FHIT: variants seen among roughly 807,000 people sequenced by gnomAD.
FHIT encodes the protein fragile histidine triad diadenosine triphosphatase, also known as bis(5'-adenosyl)-triphosphatase.
FHIT carries 19 observed loss-of-function variants against 17.9 expected under a neutral mutation model. The ratio of observed to expected loss-of-function variants is 1.06; its 90% confidence interval spans 0.74 to 1.56. FHIT has a LOEUF of 1.56. Ranked by LOEUF, FHIT falls within the 40% of genes most tolerant of loss-of-function variation. The probability of loss-of-function intolerance (pLI) is 0.00; values close to 1 mark genes in which losing one functional copy is unlikely to be tolerated. For synonymous variants in FHIT, 81 were observed against 69.7 expected, an observed-to-expected ratio of 1.16 and a Z score of -0.81; for missense variants, 248 against 189.2, an observed-to-expected ratio of 1.31 and a Z score of -1.82.
intron 1 of FHIT, among the ~76,000 whole-genome samples, chr3:61,222,931 G>T (rs1395399426): frequency 6.6e-6 from 1 of 152,156 alleles, no homozygotes; most frequent in East Asian, 1.9e-4. Context: ...TCTTAATTCT[G>T]TCCTGTTTTG....
rs114641266 is a variant in FHIT, at chr3:60,776,844, T to C, written c.-18+45075A>G. Among the ~76,000 whole-genome samples, 1,279 of 152,314 alleles carry C rather than the reference T, an allele frequency of 8.4e-3. 17 individuals carry two copies. Among genetic ancestry groups the C allele is most frequent in the East Asian group, 0.029 (150 of 5,188 alleles). ...CTTTTGCCTAGGGTTAAGGATTGTTTTGAGTTACATTAGGAAAAAGCTGAA... is the reference window on the plus strand; with the variant it reads ...CTTTTGCCTAGGGTTAAGGATTGTTCTGAGTTACATTAGGAAAAAGCTGAA... On this transcript the variant is annotated intron_variant, in intron 4 of 9. Transcript: ENST00000492590.
Position 60,226,712 on chromosome 3 carries a change from T to C in FHIT, c.104-212560A>G, listed in dbSNP as rs147363829. Among the ~76,000 whole-genome samples, 234 of 152,142 alleles carry C rather than the reference T, an allele frequency of 1.5e-3. 4 individuals carry two copies. Among genetic ancestry groups the C allele is most frequent in the African/African-American group, 5.2e-3 (217 of 41,504 alleles). On this transcript the variant is annotated intron_variant, in intron 5 of 9. Transcript: ENST00000492590. ...AAGGAGGGAGAATCAGGAAGGGGAC[T>C]TATGGGGTCACATGGATGTGTCTAG...
intron 5 of FHIT, among the ~76,000 whole-genome samples, chr3:60,480,056 T>C (rs191839505): frequency 1.2e-4 from 19 of 152,278 alleles, no homozygotes; most frequent in East Asian, 3.9e-4. Context: ...AGAGGCTTAA[T>C]TGACTCACAG....
intron 3 of FHIT, among the ~76,000 whole-genome samples, chr3:60,843,143 T>TC (rs1257586134): frequency 6.6e-6 from 1 of 151,988 alleles, no homozygotes; most frequent in African/African-American, 2.4e-5. Context: ...GTTTAAAAAC[T>TC]CCCCAGGCAA....
At chr3:60,375,869 G>A (rs1158981711) in intron 5 of FHIT, among the ~76,000 whole-genome samples, 1 of 152,126 alleles carries the variant, frequency 6.6e-6, no homozygotes, top group Non-Finnish European at 1.5e-5. Context: ...AAATGTTCCA[G>A]ATGTGTGTTG....
chr3:60,424,717 C>T (rs1353852342), intron 5 of FHIT, among the ~76,000 whole-genome samples: 1 of 152,036 alleles, frequency 6.6e-6, no homozygotes, highest in Admixed American at 6.6e-5. Context: ...TTGATGCTTA[C>T]CTCAGGTACA....
intron 8 of FHIT, among the ~76,000 whole-genome samples, chr3:59,825,829 T>G (rs1253510825): frequency 1.3e-5 from 2 of 152,200 alleles, no homozygotes; most frequent in Non-Finnish European, 2.9e-5. Context: ...GCCATCTGAA[T>G]TCACTGAGTG....
intron 4 of FHIT, among the ~76,000 whole-genome samples, chr3:60,731,404 G>C (rs1007320136): frequency 6.6e-6 from 1 of 152,162 alleles, no homozygotes; most frequent in African/African-American, 2.4e-5. Context: ...ACTTGGAGGA[G>C]GGCCAAGTGA....
chr3:61,072,850 T>C (rs547290087), intron 2 of FHIT, among the ~76,000 whole-genome samples: 168 of 152,284 alleles, frequency 1.1e-3, no homozygotes, highest in African/African-American at 3.7e-3. Flanking sequence ...ACCTTCCAAA[T>C]ACATATTTAG....
At chr3:60,559,895 A>G (rs2036875799) in intron 4 of FHIT, among the ~76,000 whole-genome samples, 1 of 152,184 alleles carries the variant, frequency 6.6e-6, no homozygotes, top group African/African-American at 2.4e-5. Flanking sequence ...GTGGCCATGG[A>G]AACCACCTGT....
In FHIT at chr3:60,702,010, C is replaced by T. The variant is rs185361591; in HGVS notation, c.-18+119909G>A. On this transcript the variant is annotated intron_variant, in intron 4 of 9. Transcript: ENST00000492590. ...GTTATAATTTTTGCCAAGGTGGTTT[C>T]GCCACCATGCCTTGCTAATTTTTTG... is the stretch of plus-strand genomic sequence containing the variant. Among the ~76,000 whole-genome samples, 349 of 152,218 alleles carry T rather than the reference C, an allele frequency of 2.3e-3. 3 individuals carry two copies. In the Middle Eastern group the frequency reaches 0.024, roughly 10 times the overall value.
intron 4 of FHIT, among the ~76,000 whole-genome samples, chr3:60,799,235 C>T (rs780351703): frequency 1.4e-4 from 22 of 152,230 alleles, no homozygotes; most frequent in Middle Eastern, 3.4e-3. Context: ...AGTGCAATGG[C>T]GCAATCTCGG....
chr3:60,359,600 C>A (rs553211000), intron 5 of FHIT, among the ~76,000 whole-genome samples: 2 of 152,082 alleles, frequency 1.3e-5, no homozygotes, highest in Admixed American at 6.5e-5. Context: ...ATATCTTTTT[C>A]GAATTCTGTG....
intron 2 of FHIT, among the ~76,000 whole-genome samples, chr3:61,155,373 T>A (rs1344543776): frequency 1.3e-5 from 2 of 152,138 alleles, no homozygotes; most frequent in African/African-American, 4.8e-5. Flanking sequence ...TAGATTAATT[T>A]TTTTAATTAA....
chr3:61,092,724 A>G (rs2035524182), intron 2 of FHIT, among the ~76,000 whole-genome samples: 1 of 152,188 alleles, frequency 6.6e-6, no homozygotes, highest in African/African-American at 2.4e-5. Context: ...TTTAAGTTCA[A>G]TAAGATGATA....
At chr3:59,779,491 T>C (rs1178314212) in intron 8 of FHIT, among the ~76,000 whole-genome samples, 1 of 152,194 alleles carries the variant, frequency 6.6e-6, no homozygotes, top group Non-Finnish European at 1.5e-5. Context: ...ATTAGCTCCA[T>C]TTGCCATTAA....
At chr3:60,638,039 G>A (rs2039632926) in intron 4 of FHIT, among the ~76,000 whole-genome samples, 1 of 152,084 alleles carries the variant, frequency 6.6e-6, no homozygotes, top group South Asian at 2.1e-4. Flanking sequence ...CAATGAAAGT[G>A]GTAGAATGAA....
chr3:60,130,717 T>A (rs1283355988), intron 5 of FHIT, among the ~76,000 whole-genome samples: 4 of 151,388 alleles, frequency 2.6e-5, no homozygotes, highest in Non-Finnish European at 5.9e-5. Context: ...CTGGCATATT[T>A]GTTCAAAATA....
rs534176932 is a variant in FHIT, at chr3:60,484,199, A to G, written c.103+52661T>C. ...GAGAAAACAAATTGGACAACCTTCC[A>G]TCCTCATGGATAGAAGGAATCAGTA... On this transcript the variant is annotated intron_variant, in intron 5 of 9. Coordinates refer to ENST00000492590, the MANE Select transcript of FHIT (RefSeq NM_002012.4). 3.9e-5 allele frequency among the ~76,000 whole-genome samples: 6 copies of G among 152,334 alleles called. No homozygotes were observed. In the East Asian group the frequency reaches 1.2e-3, roughly 29 times the overall value.
Sources: gnomAD v4.1 joint callset for allele counts (sites outside exome capture counted in the v4.1 genomes callset) on GRCh38, gnomAD v4.1.1 for gene constraint, MANE v1.5 for transcripts, NCBI Gene and HGNC (gene_info 2026-07-23, HGNC 2026-07-21) for gene names.